Variants in PIGQ observed in about 807,000 individuals in gnomAD.
The protein encoded by PIGQ is phosphatidylinositol glycan anchor biosynthesis class Q, also known as phosphatidylinositol N-acetylglucosaminyltransferase subunit Q.
PIGQ carries 54 observed loss-of-function variants against 60.3 expected under a neutral mutation model. That is an observed-to-expected ratio of 0.90 (90% CI 0.72 to 1.12). The LOEUF (loss-of-function observed/expected upper bound fraction) is 1.12, where lower values mean the gene tolerates loss of function less well. PIGQ is among the 50% of genes most tolerant of loss of function. The pLI is 0.00. For synonymous variants in PIGQ, 416 were observed against 363.7 expected (o/e 1.14, Z -1.64); for missense variants, 799 against 793.5 (o/e 1.01, Z -0.08).
rs572929607 is a variant in PIGQ, at chr16:583,626, G to C, written c.*591G>C. On this transcript the variant is annotated 3_prime_UTR_variant, in exon 11 of 11. Transcript: ENST00000321878. ...TTTGCGGATGTTCCCTGGAGAGGTCGCTTTGTGAAGAAACCATCAGCAGGC... is the reference window on the plus strand; with the variant it reads ...TTTGCGGATGTTCCCTGGAGAGGTCCCTTTGTGAAGAAACCATCAGCAGGC... The C allele has an allele frequency of 6.2e-7, 1 of 1,612,544 alleles. No individual in the cohort carries two copies. Among genetic ancestry groups the C allele is most frequent in the Non-Finnish European group, 8.5e-7 (1 of 1,179,944 alleles).
Position 583,755 on chromosome 16 carries a change from A to T in PIGQ, c.*720A>T. The stretch of plus-strand genomic sequence containing the variant: ...TTCGTCCACGGTGCCCCGTAGCAGC[A>T]GGTCCTGCGGCCAAATCTGTCTCCC... On this transcript the variant is annotated 3_prime_UTR_variant, in exon 11 of 11. Transcript: ENST00000321878. The T allele has an allele frequency of 8.4e-7, 1 of 1,183,920 alleles. No homozygotes were observed. Among genetic ancestry groups the T allele is most frequent in the Non-Finnish European group, 1.2e-6 (1 of 808,916 alleles). 73.3% of individuals were successfully genotyped at this position (1,183,920 alleles called of 1,614,324 possible).
chr16:582,936 T>C lies in PIGQ; in HGVS notation c.1647T>C (p.Cys549=). Residue 549 remains cysteine, a synonymous_variant, in exon 11 of 11, where the codon TGT becomes TGC. Transcript: ENST00000321878. The stretch of plus-strand genomic sequence containing the variant: ...TGCACACCTACCGCCTCCCCAGCTG[T>C]GGCTGCCACCCCAAGCACTCCTGGG... ...RVVHTYRLPS[C]GCHPKHSWGA... 1 of 1,612,702 alleles carries C rather than the reference T, an allele frequency of 6.2e-7. No individual in the cohort carries two copies.
chr16:583,847 T>G lies in PIGQ; in HGVS notation c.*812T>G. The G allele has an allele frequency of 3.1e-6, 2 of 637,170 alleles. No homozygotes were observed. Among genetic ancestry groups the G allele is most frequent in the Admixed American group, 2.4e-5 (1 of 41,540 alleles). 39.5% of individuals were successfully genotyped at this position (637,170 alleles called of 1,614,324 possible). On this transcript the variant is annotated 3_prime_UTR_variant, in exon 11 of 11. Transcript: ENST00000321878. ...ACACCTCTGTGGCCCCCCAGGAGTG[T>G]GAGTGGCCTGGGGAGGGGGCCGTGG... is the stretch of plus-strand genomic sequence containing the variant.
intron 8 of PIGQ, chr16:580,645 C>A: frequency 3.4e-6 from 2 of 590,916 alleles, no homozygotes; most frequent in East Asian, 5.6e-5. Flanking sequence ...GGAGGCACCT[C>A]TGACCTGGTG....
rs147312685 is a variant in PIGQ, at chr16:582,904, C to T, written c.1615C>T (p.Arg539Cys). Residue 539 changes from arginine to cysteine, a missense_variant, in exon 11 of 11, where the codon CGC (arginine) becomes TGC (cysteine). Physicochemically the swap from Arg to Cys is radical, Grantham distance 180. Coordinates refer to ENST00000321878, the MANE Select transcript of PIGQ (RefSeq NM_004204.5). ...LMQINPLPYS[R>C]VVHTYRLPSC... is the part of the protein sequence containing the mutation. ...CCAGATAAACCCACTGCCCTACAGC[C>T]GCGTGGTGCACACCTACCGCCTCCC... 2.7e-4 allele frequency: 428 copies of T among 1,608,448 alleles called. 1 individual carries two copies. The African/African-American group carries it at 2.9e-3, about 11-fold the overall frequency.
In PIGQ at chr16:574,117, G is replaced by A. The variant is rs370007848; in HGVS notation, c.43G>A (p.Asp15Asn). 1.9e-6 allele frequency: 3 copies of A among 1,610,794 alleles called. No individual in the cohort carries two copies. The highest frequency in any genetic ancestry group is 2.2e-5 in the South Asian group (2 of 91,014). Residue 15 changes from aspartate (D) to asparagine (N), a missense_variant, in exon 2 of 11, where the codon GAC becomes AAC. Transcript: ENST00000321878. The part of the protein sequence containing the change: ...AFFPTCCVST[D>N]SGLLVGRWVP... ...CTTCCCCACGTGCTGCGTCTCGACG[G>A]ACAGCGGGCTGCTGGTGGGACGGTG... is the stretch of plus-strand genomic sequence containing the variant.
At chr16:581,526 A>C (rs1343394235) in intron 9 of PIGQ, among the ~76,000 whole-genome samples, 1 of 149,530 alleles carries the variant, frequency 6.7e-6, no homozygotes, top group Non-Finnish European at 1.5e-5. Flanking sequence ...GCAATGGCGC[A>C]ATCTCGGCTC....
At chr16:579,013 G>A in intron 6 of PIGQ, 56 bp from the exon 7 acceptor site, 4 of 1,526,144 alleles carry the variant, frequency 2.6e-6, no homozygotes, top group East Asian at 2.4e-5. Flanking sequence ...GTTCGAGTGG[G>A]GCGGGGGCGG....
chr16:577,481 G>T (rs995582245), intron 4 of PIGQ, among the ~76,000 whole-genome samples: 5 of 151,920 alleles, frequency 3.3e-5, no homozygotes, highest in Non-Finnish European at 5.9e-5. Flanking sequence ...GGAGGCTGAG[G>T]CAAGAGAATG....
In PIGQ at chr16:581,277, G is replaced by A. The variant is rs529567136; in HGVS notation, c.1531+305G>A. 2.6e-5 allele frequency: 35 copies of A among 1,347,912 alleles called. No individual in the cohort carries two copies. In the African/African-American group the frequency reaches 5.1e-4, roughly 20 times the overall value. 83.5% of individuals were successfully genotyped at this position (1,347,912 alleles called of 1,614,324 possible). A position where few individuals can be genotyped will look rare whatever the true frequency, so the allele number is the denominator to read the frequency against. ...TTTTCTGGGCTTGGGAGTCTGAACT[G>A]CAGGCCAGGGGCCAAGCGCGGCAAA... is the stretch of plus-strand genomic sequence containing the variant. On this transcript the variant is annotated intron_variant, in intron 9 of 10. Coordinates refer to ENST00000321878, the MANE Select transcript of PIGQ (RefSeq NM_004204.5).
chr16:580,520 GC>G (rs2035794342), intron 8 of PIGQ: 1 of 549,526 alleles, frequency 1.8e-6, no homozygotes, highest in African/African-American at 1.9e-5. Flanking sequence ...GTGGGGTCAC[GC>G]AAGAGGCCTC....
chr16:582,693 C>T, intron 10 of PIGQ, 190 bp from the exon 11 acceptor site: 1 of 682,236 alleles, frequency 1.5e-6, no homozygotes, highest in Non-Finnish European at 2.5e-6. Flanking sequence ...CAGCTTCTGC[C>T]TCCCCCCAGC....
intron 9 of PIGQ, 110 bp from the exon 10 acceptor site, chr16:582,138 C>CCGCTTCGTGGGTGGCCAT: frequency 1.2e-6 from 1 of 807,378 alleles, no homozygotes; most frequent in South Asian, 1.5e-5. Context: ...TGGGTGGCCA[C>CCGCTTCGTGGGTGGCCAT]GGCCAGCAGC....
At chr16:580,061 C>G (rs758108022) in intron 7 of PIGQ, 122 bp from the exon 8 acceptor site, 5 of 658,090 alleles carry the variant, frequency 7.6e-6, no homozygotes, top group Non-Finnish European at 1.3e-5. Flanking sequence ...CAGGCCATCC[C>G]GAGTTCCCTC....
chr16:578,987 C>T (rs1316923960), intron 6 of PIGQ, 49 bp downstream of exon 6: 7 of 1,284,380 alleles, frequency 5.5e-6, no homozygotes, highest in Non-Finnish European at 6.0e-6. Flanking sequence ...GGTGCAGAGG[C>T]TCCGGCTGGG....
In PIGQ at chr16:578,592, C is replaced by A. The variant is rs74000811; in HGVS notation, c.1069+87C>A. On this transcript the variant is annotated intron_variant, in intron 5 of 10. Transcript: ENST00000321878. Reference sequence around the variant, plus strand: ...CAGCCAGACCCCGCCCCCTGTGCCCCCAACTCTGCTCCCCAGCGTCCTGTG... The same window carrying A: ...CAGCCAGACCCCGCCCCCTGTGCCCACAACTCTGCTCCCCAGCGTCCTGTG... 1,013 of 1,487,944 alleles carry A rather than the reference C, an allele frequency of 6.8e-4. 6 individuals carry two copies. In the African/African-American group the frequency reaches 0.013, roughly 19 times the overall value. 92.2% of individuals were successfully genotyped at this position (1,487,944 alleles called of 1,614,324 possible). A position where few individuals can be genotyped will look rare whatever the true frequency, so the allele number is the denominator to read the frequency against.
intron 4 of PIGQ, chr16:576,812 C>G (rs2035726593): frequency 3.1e-6 from 1 of 327,512 alleles, no homozygotes; most frequent in African/African-American, 2.1e-5. Context: ...TAGTGCATTT[C>G]CATGCTGCCT....
chr16:574,679 C>G lies in PIGQ; in HGVS notation c.605C>G (p.Ala202Gly). The G allele has an allele frequency of 6.2e-7, 1 of 1,605,514 alleles. No homozygotes were observed. Among genetic ancestry groups the G allele is most frequent in the Admixed American group, 1.7e-5 (1 of 59,850 alleles). Residue 202 changes from alanine (A) to glycine (G), a missense_variant, in exon 2 of 11, where the codon GCG (alanine) becomes GGG (glycine). Coordinates refer to ENST00000321878, the MANE Select transcript of PIGQ (RefSeq NM_004204.5). The part of the protein sequence containing the change: ...QSEGVEASIL[A>G]ELARRASGPI... Reference sequence around the variant, plus strand: ...GAGGGCGTGGAGGCCAGCATCCTCGCGGAGCTGGCCAGGCGAGCCTCGGGA... The same window carrying G: ...GAGGGCGTGGAGGCCAGCATCCTCGGGGAGCTGGCCAGGCGAGCCTCGGGA...
At position 583,814 on chromosome 16, in the gene PIGQ, C is replaced by A; in HGVS notation, c.*779C>A. 2.7e-6 allele frequency: 2 copies of A among 729,528 alleles called. No individual in the cohort carries two copies. Among genetic ancestry groups the A allele is most frequent in the South Asian group, 1.6e-5 (1 of 63,686 alleles). The allele number at this position is 729,528 out of a possible 1,614,324, so 45.2% of individuals were successfully genotyped here. A position where few individuals can be genotyped will look rare whatever the true frequency, so the allele number is the denominator to read the frequency against. On this transcript the variant is annotated 3_prime_UTR_variant, in exon 11 of 11. Transcript: ENST00000321878. ...CCTCCCAGGGAAGGAGGAAGCCCTG[C>A]TGTGCAGACACCTCTGTGGCCCCCC...
Sources: gnomAD v4.1 joint callset for allele counts (sites outside exome capture counted in the v4.1 genomes callset) on GRCh38, gnomAD v4.1.1 for gene constraint, MANE v1.5 for transcripts, NCBI Gene and HGNC (gene_info 2026-07-23, HGNC 2026-07-21) for gene names.